GOLPH3: variants seen among roughly 807,000 people sequenced by gnomAD.
GOLPH3 encodes the protein coat protein GPP34.
In GOLPH3, 14 loss-of-function variants were observed where a neutral mutation model predicts 28.5. The observed-to-expected ratio is 0.49, with a 90% CI of 0.32 to 0.77. GOLPH3 has a LOEUF of 0.77. GOLPH3 is among the 30% of genes least tolerant of loss of function. The pLI, the probability that GOLPH3 is intolerant of heterozygous loss-of-function variation, is 0.03. For missense variants in GOLPH3, 350 were observed against 393.7 expected (o/e 0.89, Z 0.94); for synonymous variants, 158 against 159.2 (o/e 0.99, Z 0.06).
chr5:32,128,624 G>A (rs1485810022), intron 3 of GOLPH3, among the ~76,000 whole-genome samples: 2 of 152,072 alleles, frequency 1.3e-5, no homozygotes, highest in African/African-American at 4.8e-5. Context: ...TCGTGCCATT[G>A]CTCTCCAACC....
chr5:32,137,742 ACCGC>A (rs934829625), intron 2 of GOLPH3, among the ~76,000 whole-genome samples: 1 of 152,154 alleles, frequency 6.6e-6, no homozygotes, highest in Admixed American at 6.5e-5. Flanking sequence ...AAAATGTTAC[ACCGC>A]TGTAGACAAG....
chr5:32,142,798 G>A (rs1244487227), intron 2 of GOLPH3, among the ~76,000 whole-genome samples: 4 of 146,166 alleles, frequency 2.7e-5, no homozygotes, highest in East Asian at 2.1e-4. Context: ...CCCTCTGTCC[G>A]GCCAGCTGCC....
Position 32,143,913 on chromosome 5 carries a change from T to C in GOLPH3, c.226-33A>G, listed in dbSNP as rs1412186415. On this transcript the variant is annotated intron_variant, in intron 1 of 3. Coordinates refer to ENST00000265070, the MANE Select transcript of GOLPH3 (RefSeq NM_022130.4). ...AAAAAGAAGAAGAAATAAAACAAAA[T>C]AGCTAATTTACCTTGAATTCAGAGT... 3.6e-6 allele frequency: 5 copies of C among 1,405,282 alleles called. No homozygotes were observed. The South Asian group carries it at 5.9e-5, about 17-fold the overall frequency. 87.1% of individuals were successfully genotyped at this position (1,405,282 alleles called of 1,614,324 possible).
chr5:32,154,137 T>C (rs1331596117), intron 1 of GOLPH3, among the ~76,000 whole-genome samples: 1 of 152,084 alleles, frequency 6.6e-6, no homozygotes. Context: ...AATGAATATA[T>C]ATAAAACCGC....
intron 3 of GOLPH3, among the ~76,000 whole-genome samples, chr5:32,133,819 T>G (rs1259678744): frequency 6.6e-6 from 1 of 152,158 alleles, no homozygotes; most frequent in African/African-American, 2.4e-5. Context: ...TTTAAAAGAT[T>G]CTTGCAAAAG....
chr5:32,168,735 C>T (rs1045845940), intron 1 of GOLPH3, among the ~76,000 whole-genome samples: 7 of 152,282 alleles, frequency 4.6e-5, no homozygotes, highest in African/African-American at 1.7e-4. Context: ...CTCTCAAGAT[C>T]CAAAGCCCTG....
At chr5:32,142,823 G>T (rs1390735911) in intron 2 of GOLPH3, among the ~76,000 whole-genome samples, 6 of 143,144 alleles carry the variant, frequency 4.2e-5, no homozygotes, top group Non-Finnish European at 7.6e-5. Context: ...CCAGGAGGGA[G>T]GTGGGGGGGG....
At chr5:32,152,377 A>G (rs1746326353) in intron 1 of GOLPH3, among the ~76,000 whole-genome samples, 1 of 147,602 alleles carries the variant, frequency 6.8e-6, no homozygotes, top group African/African-American at 2.5e-5. Context: ...CGCCCACCTC[A>G]GCCTCCCAAA....
intron 1 of GOLPH3, 117 bp downstream of exon 1, chr5:32,173,693 G>C: frequency 1.5e-6 from 1 of 680,480 alleles, no homozygotes; most frequent in Non-Finnish European, 2.1e-6. Flanking sequence ...GCGGACTTCG[G>C]AGCGAGGGCA....
At chr5:32,143,011 G>A (rs560613156) in intron 2 of GOLPH3, among the ~76,000 whole-genome samples, 8 of 152,152 alleles carry the variant, frequency 5.3e-5, no homozygotes, top group Non-Finnish European at 7.4e-5. Flanking sequence ...AATAGAAAGT[G>A]GGGAAAGGTG....
Position 32,173,812 on chromosome 5 carries a change from C to T in GOLPH3, c.223G>A (p.Glu75Lys). Residue 75 changes from glutamate (E) to lysine (K), a missense_variant and splice_region_variant, in exon 1 of 4, where the codon GAG (glutamate) becomes AAG (lysine). Transcript: ENST00000265070. ...EVLLLGLKDR[E>K]GYTSFWNDCI... ...CGCCCAGCCCGCCGCGCCCGCACCT[C>T]GCGGTCCTTGAGGCCCAGCAGGAGC... 2.1e-6 allele frequency: 3 copies of T among 1,448,052 alleles called. No individual in the cohort carries two copies. Among genetic ancestry groups the T allele is most frequent in the Non-Finnish European group, 1.8e-6 (2 of 1,101,660 alleles). 89.7% of individuals were successfully genotyped at this position (1,448,052 alleles called of 1,614,324 possible). A position where few individuals can be genotyped will look rare whatever the true frequency, so the allele number is the denominator to read the frequency against.
chr5:32,161,431 A>C (rs1228360815), intron 1 of GOLPH3, among the ~76,000 whole-genome samples: 1 of 150,616 alleles, frequency 6.6e-6, no homozygotes, highest in Non-Finnish European at 1.5e-5. Flanking sequence ...CTGAGGAAAA[A>C]AAAAAAAAAA....
chr5:32,131,187 A>G (rs1745817768), intron 3 of GOLPH3, among the ~76,000 whole-genome samples: 1 of 152,258 alleles, frequency 6.6e-6, no homozygotes, highest in South Asian at 2.1e-4. Flanking sequence ...AGAAAAATAA[A>G]GAAATCTCAC....
chr5:32,164,590 C>T (rs1014570706), intron 1 of GOLPH3, among the ~76,000 whole-genome samples: 10 of 151,930 alleles, frequency 6.6e-5, no homozygotes, highest in Non-Finnish European at 1.2e-4. Context: ...TACAGACAGG[C>T]TTTCACCATG....
chr5:32,133,132 T>C (rs890172185), intron 3 of GOLPH3, among the ~76,000 whole-genome samples: 2 of 152,230 alleles, frequency 1.3e-5, no homozygotes, highest in Non-Finnish European at 2.9e-5. Context: ...CTTTACAAAA[T>C]CCTAACTGTG....
At chr5:32,164,381 A>G (rs1227923675) in intron 1 of GOLPH3, among the ~76,000 whole-genome samples, 1 of 151,860 alleles carries the variant, frequency 6.6e-6, no homozygotes, top group African/African-American at 2.4e-5. Context: ...CTTTTTATAC[A>G]TAAGAGGAGT....
Position 32,142,534 on chromosome 5 carries a change from C to T in GOLPH3, c.357+1215G>A, listed in dbSNP as rs1297287997. On this transcript the variant is annotated intron_variant, in intron 2 of 3. Transcript: ENST00000265070. Reference sequence around the variant, plus strand: ...CCGGGAGGTGAGGGGCGCCTCTGCCCGGCCGCCCCTACTGGGAAGTGAGGA... The same window carrying T: ...CCGGGAGGTGAGGGGCGCCTCTGCCTGGCCGCCCCTACTGGGAAGTGAGGA... 2.1e-4 allele frequency among the ~76,000 whole-genome samples: 31 copies of T among 149,116 alleles called. 1 individual carries two copies. Among genetic ancestry groups the T allele is most frequent in the Admixed American group, 4.0e-4 (6 of 15,142 alleles).
At chr5:32,140,133 G>A (rs935357310) in intron 2 of GOLPH3, among the ~76,000 whole-genome samples, 2 of 151,766 alleles carry the variant, frequency 1.3e-5, no homozygotes, top group East Asian at 1.9e-4. Context: ...AAGGCATATC[G>A]TACAATTTCA....
intron 1 of GOLPH3, among the ~76,000 whole-genome samples, chr5:32,155,289 G>C (rs192430313): frequency 5.9e-5 from 9 of 152,164 alleles, no homozygotes; most frequent in African/African-American, 2.2e-4. Context: ...GGGCTGAAAT[G>C]ATCTGCCCAC....
Sources: allele counts gnomAD v4.1 joint callset (sites outside exome capture counted in the v4.1 genomes callset), GRCh38; gene constraint gnomAD v4.1.1; transcripts MANE v1.5; gene names NCBI Gene and HGNC (gene_info 2026-07-23, HGNC 2026-07-21).